Variants in NPR3 observed in about 807,000 individuals in gnomAD.
NPR3 encodes the protein atrial natriuretic peptide receptor 3.
Under a neutral mutation model 54.5 loss-of-function variants are expected in NPR3, and 34 were observed. The ratio of observed to expected loss-of-function variants is 0.62; its 90% CI spans 0.47 to 0.83. The LOEUF is 0.83. Among genes scored for constraint, NPR3 ranks in the 40% least tolerant of loss-of-function variants. NPR3 has a pLI of 0.00. For missense variants in NPR3, 674 were observed against 720.8 expected, an observed-to-expected ratio of 0.94 and a Z score of 0.74; for synonymous variants, 289 against 297.1, an observed-to-expected ratio of 0.97 and a Z score of 0.28.
intron 2 of NPR3, among the ~76,000 whole-genome samples, chr5:32,735,938 G>A (rs1422998821): frequency 6.6e-6 from 1 of 152,008 alleles, no homozygotes; most frequent in African/African-American, 2.4e-5. Flanking sequence ...TTTCTAGGAA[G>A]CAAAACTCCA....
At chr5:32,783,917 C>T (rs540763920) in intron 6 of NPR3, among the ~76,000 whole-genome samples, 9 of 152,290 alleles carry the variant, frequency 5.9e-5, no homozygotes, top group East Asian at 1.9e-4. Flanking sequence ...TGAAGGGCCG[C>T]GTACTAAACT....
At chr5:32,694,392 C>A (rs1233122451) in intron 1 of NPR3, among the ~76,000 whole-genome samples, 1 of 152,182 alleles carries the variant, frequency 6.6e-6, no homozygotes, top group Non-Finnish European at 1.5e-5. Flanking sequence ...TGAACACTTA[C>A]TTGGTGTAAA....
At chr5:32,733,001 C>T (rs981431487) in intron 2 of NPR3, among the ~76,000 whole-genome samples, 1 of 151,994 alleles carries the variant, frequency 6.6e-6, no homozygotes, top group Non-Finnish European at 1.5e-5. Flanking sequence ...TGTGCCACCA[C>T]GCCGGCTTAA....
At chr5:32,698,026 A>G (rs1740575786) in intron 1 of NPR3, among the ~76,000 whole-genome samples, 1 of 151,412 alleles carries the variant, frequency 6.6e-6, no homozygotes, top group Non-Finnish European at 1.5e-5. Flanking sequence ...TCTTCTACCA[A>G]TTTTGGGTTT....
chr5:32,786,273 A>G lies in NPR3; in HGVS notation c.1554A>G (p.Gln518=). The change falls in exon 8 of 8, where the codon CAA becomes CAG. Residue 518 remains glutamine, a synonymous_variant. Transcript: ENST00000265074. ...YRITIERRTQ[Q]EESNLGKHRE... is the part of the protein sequence containing the mutation. ...TAACCATTGAGAGGCGAACCCAGCA[A>G]GAAGAAAGTAACCTTGGAAAACATC... The G allele has an allele frequency of 1.3e-6, 2 of 1,584,678 alleles. No individual in the cohort carries two copies. The highest frequency in any genetic ancestry group is 8.6e-7 in the Non-Finnish European group (1 of 1,156,962).
chr5:32,764,816 A>AAAAAAAAAAAAT (rs869299443), intron 3 of NPR3, among the ~76,000 whole-genome samples: 1 of 142,780 alleles, frequency 7.0e-6, no homozygotes, highest in Non-Finnish European at 1.5e-5. Context: ...AAAAAAAAAA[A>AAAAAAAAAAAAT]GAATTTGTCC....
At chr5:32,728,398 G>A (rs1374284930) in intron 2 of NPR3, among the ~76,000 whole-genome samples, 1 of 151,760 alleles carries the variant, frequency 6.6e-6, no homozygotes, top group Non-Finnish European at 1.5e-5. Context: ...GGGAGGTGGA[G>A]GTTGCAGTGA....
chr5:32,783,340 CAT>C, intron 6 of NPR3: 1 of 228,566 alleles, frequency 4.4e-6, no homozygotes. Flanking sequence ...CTCCCTTATT[CAT>C]CTGTCACAGC....
intron 3 of NPR3, among the ~76,000 whole-genome samples, chr5:32,739,799 A>C (rs868237497): frequency 1.3e-5 from 2 of 152,304 alleles, no homozygotes; most frequent in South Asian, 4.1e-4. Context: ...AGTGATGGGC[A>C]CCTTGGGCTA....
At chr5:32,697,179 T>G (rs191310998) in intron 1 of NPR3, among the ~76,000 whole-genome samples, 1 of 152,172 alleles carries the variant, frequency 6.6e-6, no homozygotes, top group Non-Finnish European at 1.5e-5. Flanking sequence ...GAGGGCTTTT[T>G]AAATTGTGAA....
chr5:32,737,874 G>C (rs1739831260), intron 2 of NPR3, among the ~76,000 whole-genome samples: 1 of 152,116 alleles, frequency 6.6e-6, no homozygotes, highest in Non-Finnish European at 1.5e-5. Context: ...GGTCTTCTGA[G>C]GAGTAAATGT....
chr5:32,740,520 AG>A (rs1342426242), intron 3 of NPR3, among the ~76,000 whole-genome samples: 1 of 151,896 alleles, frequency 6.6e-6, no homozygotes, highest in African/African-American at 2.4e-5. Flanking sequence ...TTTTTAAATC[AG>A]TGCTGTCTGG....
chr5:32,748,960 T>C (rs1225516870), intron 3 of NPR3, among the ~76,000 whole-genome samples: 1 of 152,188 alleles, frequency 6.6e-6, no homozygotes, highest in African/African-American at 2.4e-5. Context: ...CCTTCCAGCC[T>C]ATTTATTGAA....
chr5:32,706,826 G>A (rs1201418299), upstream of NPR3, among the ~76,000 whole-genome samples: 2 of 152,198 alleles, frequency 1.3e-5, no homozygotes, highest in East Asian at 3.9e-4. Context: ...ACATGCTTAA[G>A]TTTCCAGGAC....
chr5:32,725,121 A>C (rs553446845), intron 2 of NPR3, among the ~76,000 whole-genome samples: 1 of 144,786 alleles, frequency 6.9e-6, no homozygotes, highest in African/African-American at 2.5e-5. Flanking sequence ...GGGGACTTCT[A>C]GGGGTGGTGG....
intron 3 of NPR3, among the ~76,000 whole-genome samples, chr5:32,768,467 C>T (rs1741589337): frequency 6.6e-6 from 1 of 152,188 alleles, no homozygotes; most frequent in Non-Finnish European, 1.5e-5. Context: ...ACTTGTGCTC[C>T]ATACCCACCA....
chr5:32,781,209 G>A (rs1344227000), intron 5 of NPR3, among the ~76,000 whole-genome samples: 2 of 152,144 alleles, frequency 1.3e-5, no homozygotes, highest in Admixed American at 6.5e-5. Context: ...ATCATGAAGG[G>A]AAAAGAGGGC....
intron 2 of NPR3, among the ~76,000 whole-genome samples, chr5:32,736,823 G>C (rs1739774867): frequency 6.6e-6 from 1 of 152,168 alleles, no homozygotes; most frequent in Admixed American, 6.5e-5. Context: ...GTTTTGCTCG[G>C]TGGCCTGAAA....
chr5:32,761,531 G>T (rs1226743936), intron 3 of NPR3, among the ~76,000 whole-genome samples: 8 of 152,004 alleles, frequency 5.3e-5, no homozygotes, highest in African/African-American at 1.7e-4. Context: ...CTGTTCTTTA[G>T]ATTGAGATAT....
Sources: allele counts gnomAD v4.1 joint callset (sites outside exome capture counted in the v4.1 genomes callset), GRCh38; gene constraint gnomAD v4.1.1; transcripts MANE v1.5; gene names NCBI Gene and HGNC (gene_info 2026-07-23, HGNC 2026-07-21).